ADGRA1: variants seen among roughly 807,000 people sequenced by gnomAD.
ADGRA1 encodes the protein G-protein coupled receptor 123.
Under a neutral mutation model 21.3 loss-of-function variants are expected in ADGRA1, and 12 were observed. That is an observed-to-expected ratio of 0.56 (90% CI 0.36 to 0.91). The LOEUF (loss-of-function observed/expected upper bound fraction) is 0.91, where lower values mean the gene tolerates loss of function less well. ADGRA1 is among the 40% of genes least tolerant of loss of function. ADGRA1 has a pLI of 0.01. For synonymous variants in ADGRA1, 385 were observed against 368.8 expected (o/e 1.04, Z -0.50); for missense variants, 790 against 805.6 (o/e 0.98, Z 0.23).
At position 133,093,690 on chromosome 10, in the gene ADGRA1, G is replaced by A. The variant is rs114917817; in HGVS notation, c.4-3284G>A. Among the ~76,000 whole-genome samples, 306 of 152,312 alleles carry A rather than the reference G, an allele frequency of 2.0e-3. 4 individuals are homozygous for A. The highest frequency in any genetic ancestry group is 7.0e-3 in the African/African-American group (293 of 41,576). ...CCCTTCCCAGCCCCCTTGGGTCCTC[G>A]GAACCGTGTTCTTCACCCCCCAGGA... is the stretch of plus-strand genomic sequence containing the variant. On this transcript the variant is annotated intron_variant, in intron 2 of 6. Transcript: ENST00000392607.
In ADGRA1 at chr10:133,096,848, G is replaced by T; in HGVS notation, c.4-126G>T. Reference sequence around the variant, plus strand: ...TCCCCAGGCAGCCCCCCTTCCCTGAGACCCCACACGAAAATGCCTGGAGCG... The same window carrying T: ...TCCCCAGGCAGCCCCCCTTCCCTGATACCCCACACGAAAATGCCTGGAGCG... On this transcript the variant is annotated intron_variant, in intron 2 of 6. Coordinates refer to ENST00000392607, the MANE Select transcript of ADGRA1 (RefSeq NM_001083909.3). The T allele has an allele frequency of 2.5e-6, 3 of 1,189,114 alleles. No homozygotes were observed. The South Asian group carries it at 4.4e-5, about 17-fold the overall frequency. 73.7% of individuals were successfully genotyped at this position (1,189,114 alleles called of 1,614,324 possible). A position where few individuals can be genotyped will look rare whatever the true frequency, so the allele number is the denominator to read the frequency against.
chr10:133,121,485 G>C (rs1410121483), intron 5 of ADGRA1, among the ~76,000 whole-genome samples: 1 of 146,650 alleles, frequency 6.8e-6, no homozygotes, highest in East Asian at 2.1e-4. Flanking sequence ...TGCATGTGTG[G>C]TGTGTGCCAG....
intron 2 of ADGRA1, chr10:133,093,210 TC>T: frequency 6.3e-7 from 1 of 1,592,532 alleles, no homozygotes; most frequent in Non-Finnish European, 8.5e-7. Context: ...CAGCTGGCAT[TC>T]CCCAGGTTTG....
intron 5 of ADGRA1, among the ~76,000 whole-genome samples, chr10:133,123,699 G>C (rs1230662278): frequency 7.7e-6 from 1 of 130,524 alleles, no homozygotes; most frequent in Non-Finnish European, 1.6e-5. Context: ...CGAGTTGTGG[G>C]GAGGACTGCC....
At chr10:133,098,919 C>G (rs966014829) in intron 4 of ADGRA1, among the ~76,000 whole-genome samples, 156 bp downstream of exon 4, 1 of 152,242 alleles carries the variant, frequency 6.6e-6, no homozygotes, top group East Asian at 1.9e-4. Flanking sequence ...CCATGCAAGT[C>G]CACATGCTCC....
chr10:133,111,932 T>TCCCTCCTAATCCCACCA (rs1564849639), intron 5 of ADGRA1, among the ~76,000 whole-genome samples: 3 of 12,230 alleles, frequency 2.5e-4, no homozygotes, highest in Admixed American at 1.9e-3. Context: ...CTGCCCGCCG[T>TCCCTCCTAATCCCACCA]GAGCACCTCC....
At chr10:133,112,427 T>C (rs144460554) in intron 5 of ADGRA1, among the ~76,000 whole-genome samples, 15,029 of 108,926 alleles carry the variant, frequency 0.14, 1,560 homozygotes, top group East Asian at 0.47. Context: ...CTGCGGGCCA[T>C]GTCGGTTATT....
chr10:133,115,556 C>T (rs1407276355), intron 5 of ADGRA1, among the ~76,000 whole-genome samples: 3 of 152,162 alleles, frequency 2.0e-5, no homozygotes, highest in East Asian at 3.9e-4. Flanking sequence ...GGCAGAAGGG[C>T]GCGCAGTGCT....
At chr10:133,127,393 C>T in intron 6 of ADGRA1, 62 bp downstream of exon 6, 1 of 1,259,732 alleles carries the variant, frequency 7.9e-7, no homozygotes, top group Non-Finnish European at 1.1e-6. Context: ...CCTGAGGTCC[C>T]TCCCAGGCAC....
intron 2 of ADGRA1, among the ~76,000 whole-genome samples, chr10:133,096,108 T>A (rs987299070): frequency 2.0e-5 from 3 of 152,180 alleles, no homozygotes; most frequent in African/African-American, 7.2e-5. Context: ...AGCACAGACA[T>A]GTTTCCCACA....
chr10:133,097,203 C>A, intron 3 of ADGRA1, 102 bp downstream of exon 3: 2 of 1,418,392 alleles, frequency 1.4e-6, no homozygotes, highest in Non-Finnish European at 1.9e-6. Context: ...CCTCATGTAG[C>A]AAGAAGTCCT....
At chr10:133,112,858 G>A (rs920131670) in intron 5 of ADGRA1, among the ~76,000 whole-genome samples, 6 of 142,696 alleles carry the variant, frequency 4.2e-5, no homozygotes, top group African/African-American at 1.1e-4. Context: ...GGAGGTCTGC[G>A]GGCCACGTCG....
chr10:133,111,383 CCA>C (rs1852002105), intron 5 of ADGRA1, among the ~76,000 whole-genome samples: 1 of 99,690 alleles, frequency 1.0e-5, no homozygotes, highest in Non-Finnish European at 1.8e-5. Flanking sequence ...AACCTGCCCA[CCA>C]CGGACACCTC....
intron 5 of ADGRA1, among the ~76,000 whole-genome samples, chr10:133,124,494 G>A (rs1852337651): frequency 6.6e-6 from 1 of 152,248 alleles, no homozygotes; most frequent in Admixed American, 6.5e-5. Flanking sequence ...AGATGTCCCA[G>A]CGAGTGGCCC....
At chr10:133,116,588 C>T (rs934201336) in intron 5 of ADGRA1, among the ~76,000 whole-genome samples, 3 of 151,908 alleles carry the variant, frequency 2.0e-5, no homozygotes, top group East Asian at 2.0e-4. Context: ...CACCCACAGG[C>T]GTCCTCTCCC....
chr10:133,121,691 C>T (rs1852263793), intron 5 of ADGRA1, among the ~76,000 whole-genome samples: 1 of 113,990 alleles, frequency 8.8e-6, no homozygotes, highest in Admixed American at 9.7e-5. Context: ...CATGTGAGTG[C>T]CTGTGCATGT....
chr10:133,094,728 C>T (rs1014392479), intron 2 of ADGRA1, among the ~76,000 whole-genome samples: 1 of 152,030 alleles, frequency 6.6e-6, no homozygotes, highest in African/African-American at 2.4e-5. Context: ...CTGTGTAGAG[C>T]GTTCAGGTTT....
At chr10:133,097,438 G>A (rs757720541) in intron 3 of ADGRA1, among the ~76,000 whole-genome samples, 19 of 152,208 alleles carry the variant, frequency 1.2e-4, no homozygotes, top group East Asian at 1.9e-4. Flanking sequence ...CAGTTCCCCC[G>A]GGCAGTCACT....
Position 133,128,682 on chromosome 10 carries a change from T to C in ADGRA1, c.854T>C (p.Met285Thr), listed in dbSNP as rs763147482. ...GTGTCACAGGGCCACTTCCTGGACA[T>C]GGTCTTCAGCTGCCTGTACGGCGCC... ...LAVSQGHFLD[M>T]VFSCLYGAFC... The change falls in exon 7 of 7, where the codon ATG (methionine) becomes ACG (threonine). Residue 285 changes from methionine to threonine, a missense_variant. By Grantham distance (81) the Met-to-Thr change is moderately conservative. This residue lies in a region of ADGRA1 where 382 missense variants were observed against 415.6 expected (regional missense o/e 0.92). Transcript: ENST00000392607. 1 of 1,611,574 alleles carries C rather than the reference T, an allele frequency of 6.2e-7. No homozygotes were observed. Among genetic ancestry groups the C allele is most frequent in the Admixed American group, 1.7e-5 (1 of 59,978 alleles).
Sources: gnomAD v4.1 joint callset for allele counts (sites outside exome capture counted in the v4.1 genomes callset) on GRCh38, gnomAD v4.1.1 for gene constraint, gnomAD v4.1.1 regional missense constraint, MANE v1.5 for transcripts, NCBI Gene and HGNC (gene_info 2026-07-23, HGNC 2026-07-21) for gene names.